RPAP1: variants seen among roughly 807,000 people sequenced by gnomAD.
The protein encoded by RPAP1 is RNA polymerase II-associated protein 1.
A neutral mutation model predicts 142.4 loss-of-function variants in RPAP1; 109 were observed. The observed-to-expected ratio is 0.77, with a 90% CI of 0.66 to 0.90. RPAP1 has a LOEUF of 0.90. Among genes scored for constraint, RPAP1 ranks in the 40% least tolerant of loss-of-function variants. The pLI is 0.00. For synonymous variants in RPAP1, 704 were observed against 738.9 expected (o/e 0.95, Z 0.77); for missense variants, 1,546 against 1,751.7 (o/e 0.88, Z 2.10).
At chr15:41,539,598 T>G (rs2051950752) in intron 1 of RPAP1, among the ~76,000 whole-genome samples, 1 of 151,764 alleles carries the variant, frequency 6.6e-6, no homozygotes. Flanking sequence ...GCCCCACAAT[T>G]TTTGTGTTTT....
intron 21 of RPAP1, 121 bp from the exon 22 acceptor site, chr15:41,521,268 A>G: frequency 1.3e-5 from 13 of 977,690 alleles, no homozygotes; most frequent in Non-Finnish European, 1.9e-5. Flanking sequence ...TGCTCCCTTA[A>G]CTACTTCCCG....
chr15:41,524,473 C>CT (rs397956859), intron 15 of RPAP1, among the ~76,000 whole-genome samples: 27,012 of 127,930 alleles, frequency 0.21, 4,014 homozygotes, highest in African/African-American at 0.41. Context: ...GATACCAATG[C>CT]TTTTTTTTTT....
At chr15:41,523,621 T>C in intron 17 of RPAP1, 150 bp downstream of exon 17, 1 of 789,498 alleles carries the variant, frequency 1.3e-6, no homozygotes, top group Non-Finnish European at 2.0e-6. Context: ...GATATGGAGG[T>C]AGAAAGAGGA....
intron 5 of RPAP1, 102 bp downstream of exon 5, chr15:41,535,410 A>T: frequency 6.8e-7 from 1 of 1,464,320 alleles, no homozygotes; most frequent in Non-Finnish European, 9.1e-7. Flanking sequence ...AGATGGCTCA[A>T]ATGCACCTCT....
At position 41,518,163 on chromosome 15, in the gene RPAP1, C is replaced by T. The variant is rs980993886; in HGVS notation, c.3815G>A (p.Cys1272Tyr). 12 of 1,579,498 alleles carry T rather than the reference C, an allele frequency of 7.6e-6. No individual in the cohort carries two copies. Among genetic ancestry groups the T allele is most frequent in the African/African-American group, 1.4e-5 (1 of 72,776 alleles). The change falls in exon 23 of 25, where the codon TGT becomes TAT. Residue 1272 changes from cysteine (C) to tyrosine (Y), a missense_variant. Cys to Tyr is a radical substitution (Grantham distance 194). Coordinates refer to ENST00000304330, the MANE Select transcript of RPAP1 (RefSeq NM_015540.4). ...GTTGTCTTCAGGAGGCACTGTGTAACACTCCAGGGACACAGGCAACTGTGA... is the reference window on the plus strand; with the variant it reads ...GTTGTCTTCAGGAGGCACTGTGTAATACTCCAGGGACACAGGCAACTGTGA... ...PLTQLPVSLE[C>Y]YTVPPEDNLA...
At chr15:41,541,716 AC>A (rs2051973958) in intron 1 of RPAP1, among the ~76,000 whole-genome samples, 1 of 152,018 alleles carries the variant, frequency 6.6e-6, no homozygotes, top group African/African-American at 2.4e-5. Flanking sequence ...GTGTGGTAGC[AC>A]GCGCCTGTAG....
At chr15:41,531,623 ATATATTTTTTTTTTTTT>A (rs1394045500) in intron 6 of RPAP1, among the ~76,000 whole-genome samples, 5,216 of 30,004 alleles carry the variant, frequency 0.17, 51 homozygotes, top group Non-Finnish European at 0.25. Context: ...ATATATATAT[ATATATTTTTTTTTTTTT>A]TTTTTTTTTT....
chr15:41,534,859 T>C lies in RPAP1; in HGVS notation c.618A>G (p.Gly206=), dbSNP rs2051891844. 2 of 1,614,096 alleles carry C rather than the reference T, an allele frequency of 1.2e-6. No individual in the cohort carries two copies. The highest frequency in any genetic ancestry group is 1.7e-6 in the Non-Finnish European group (2 of 1,180,030). Residue 206 remains glycine (G), a synonymous_variant, in exon 6 of 25, where the codon GGA becomes GGG. Transcript: ENST00000304330. ...GCCCCTTCCCTGTGACCAGATTGGG[T>C]CCCTGAAAGCTGTGGCTGCTCCCAG... The part of the protein sequence containing the change: ...QLPGSSHSFQ[G]PNLVTGKGLR...
chr15:41,520,750 C>T lies in RPAP1; in HGVS notation c.3436G>A (p.Ala1146Thr). ...GCAGCAGGGGGCACAGCCCAGAGAG[C>T]CTGGGGGCGCCAGCTCTCCAAAACT... is the stretch of plus-strand genomic sequence containing the variant. ...VLVLESWRPQ[A>T]LWAVPPAARL... is the part of the protein sequence containing the mutation. Residue 1146 changes from alanine (A) to threonine (T), a missense_variant, in exon 22 of 25, where the codon GCT becomes ACT. Coordinates refer to ENST00000304330, the MANE Select transcript of RPAP1 (RefSeq NM_015540.4). 1 of 1,613,616 alleles carries T rather than the reference C, an allele frequency of 6.2e-7. No homozygotes were observed. Among genetic ancestry groups the T allele is most frequent in the East Asian group, 2.2e-5 (1 of 44,882 alleles).
chr15:41,527,889 G>A lies in RPAP1; in HGVS notation c.1399C>T (p.Arg467Trp), dbSNP rs1437980558. The A allele has an allele frequency of 6.8e-6, 11 of 1,614,040 alleles. No homozygotes were observed. The highest frequency in any genetic ancestry group is 4.4e-5 in the South Asian group (4 of 91,076). ...GVIATAIRALRALLVAPGDEE... is the reference protein window; with the variant it reads ...GVIATAIRALWALLVAPGDEE... ...TCTCCAGGAGCCACCAGCAGAGCCC[G>A]AAGAGCACGGATGGCGGTTGCAATG... Residue 467 changes from arginine (R) to tryptophan (W), a missense_variant, in exon 11 of 25, where the codon CGG becomes TGG. Arg to Trp is a moderately radical substitution (Grantham distance 101, BLOSUM62 -3). Around this residue, in one of 3 missense-constraint regions of RPAP1, gnomAD observed 1,333 missense variants for 1,486.6 expected, o/e 0.90. Transcript: ENST00000304330.
At chr15:41,531,475 G>A (rs369282097) in intron 6 of RPAP1, among the ~76,000 whole-genome samples, 2 of 151,498 alleles carry the variant, frequency 1.3e-5, no homozygotes, top group East Asian at 3.9e-4. Flanking sequence ...CTATCCCTTT[G>A]GTTTCAGGTC....
In RPAP1 at chr15:41,539,175, C is replaced by T. The variant is rs190357980; in HGVS notation, c.-76-1974G>A. 7.2e-4 allele frequency among the ~76,000 whole-genome samples: 110 copies of T among 152,294 alleles called. 1 individual carries two copies. The highest frequency in any genetic ancestry group is 3.4e-3 in the Middle Eastern group (1 of 294). ...CCAGGCTGGAGTGCAGTAGCGTGAT[C>T]TTGGCTCACTGCAACCTCTACCTCC... On this transcript the variant is annotated intron_variant, in intron 1 of 24. Coordinates refer to ENST00000304330, the MANE Select transcript of RPAP1 (RefSeq NM_015540.4).
At chr15:41,531,239 A>G in intron 6 of RPAP1, 37 bp from the exon 7 acceptor site, 1 of 1,581,270 alleles carries the variant, frequency 6.3e-7, no homozygotes, top group Non-Finnish European at 8.7e-7. Context: ...GAGTGAGGGT[A>G]GATCCTCCCT....
intron 8 of RPAP1, 39 bp from the exon 9 acceptor site, chr15:41,529,607 C>T (rs571609545): frequency 6.9e-7 from 1 of 1,440,908 alleles, no homozygotes; most frequent in African/African-American, 1.4e-5. Context: ...CTGGGGGCTC[C>T]AGCAACCTTC....
intron 1 of RPAP1, among the ~76,000 whole-genome samples, chr15:41,540,413 TG>T (rs1277985606): frequency 2.6e-5 from 4 of 151,910 alleles, no homozygotes; most frequent in Non-Finnish European, 5.9e-5. Flanking sequence ...GCGATTCTCC[TG>T]CCTCAGTCTC....
rs186713918 is a variant in RPAP1 at position 41,535,582 on chromosome 15, C to T, written c.471G>A (p.Ala157=). 2.2e-5 allele frequency: 35 copies of T among 1,614,054 alleles called. No individual in the cohort carries two copies. The highest frequency in any genetic ancestry group is 1.3e-4 in the East Asian group (6 of 44,872). The part of the protein sequence containing the change: ...GKRSIFAQEI[A]ARRIAEAKGP... ...CCTTGGCTTCAGCTATCCTCCTTGCCGCAATTTCCTGGGCAAAGATGCTTC... is the reference window on the plus strand; with the variant it reads ...CCTTGGCTTCAGCTATCCTCCTTGCTGCAATTTCCTGGGCAAAGATGCTTC... Residue 157 remains alanine, a synonymous_variant, in exon 5 of 25, where the codon GCG becomes GCA. Transcript: ENST00000304330.
In RPAP1 at chr15:41,537,080, G is replaced by A; in HGVS notation, c.46C>T (p.His16Tyr). ...KPGESEVDLL[H>Y]FQSQFLAAGA... Reference sequence around the variant, plus strand: ...GCTGCGAGAAACTGACTCTGGAAGTGCAGCAGGTCCACCTCGGACTCCCCT... The same window carrying A: ...GCTGCGAGAAACTGACTCTGGAAGTACAGCAGGTCCACCTCGGACTCCCCT... Residue 16 changes from histidine to tyrosine, a missense_variant, in exon 2 of 25, where the codon CAC (histidine) becomes TAC (tyrosine). By Grantham distance (83) the His-to-Tyr change is moderately conservative. Transcript: ENST00000304330. 1 of 1,614,160 alleles carries A rather than the reference G, an allele frequency of 6.2e-7. No homozygotes were observed. The highest frequency in any genetic ancestry group is 8.5e-7 in the Non-Finnish European group (1 of 1,180,032).
Position 41,517,997 on chromosome 15 carries a change from G to C in RPAP1, c.3972+9C>G, listed in dbSNP as rs1197241195. ...CCTTCCTTCCTCTGAAGATGGAGAT[G>C]TAACTTACTGAGCTCTGTGGGTCCT... On this transcript the variant is annotated intron_variant, in intron 23 of 24. Coordinates refer to ENST00000304330, the MANE Select transcript of RPAP1 (RefSeq NM_015540.4). 6.2e-7 allele frequency: 1 copy of C among 1,614,146 alleles called. No homozygotes were observed. Among genetic ancestry groups the C allele is most frequent in the Admixed American group, 1.7e-5 (1 of 60,016 alleles).
In RPAP1 at chr15:41,517,837, G is replaced by A; in HGVS notation, c.3993C>T (p.Arg1331=). 1 of 1,614,136 alleles carries A rather than the reference G, an allele frequency of 6.2e-7. No individual in the cohort carries two copies. Residue 1331 remains arginine, a synonymous_variant, in exon 24 of 25, where the codon CGC becomes CGT. Transcript: ENST00000304330. ...PQSSDEVKAA[R]RSMLQKTWLL... is the part of the protein sequence containing the mutation. ...GCCATGTTTTCTGCAGCATACTCCT[G>A]CGGGCAGCTTTGACCTCATCCTAGA...
Sources: gnomAD v4.1 joint callset for allele counts (sites outside exome capture counted in the v4.1 genomes callset) on GRCh38, gnomAD v4.1.1 for gene constraint, gnomAD v4.1.1 regional missense constraint, MANE v1.5 for transcripts, NCBI Gene and HGNC (gene_info 2026-07-23, HGNC 2026-07-21) for gene names.